Variants in SLIT3 observed in about 807,000 individuals in gnomAD.
SLIT3 encodes slit homolog 3 protein.
SLIT3 carries 68 observed loss-of-function variants against 184.0 expected under a neutral mutation model. The observed-to-expected ratio is 0.37, with a 90% CI of 0.30 to 0.45. The LOEUF is 0.45. Among genes scored for constraint, SLIT3 ranks in the 20% least tolerant of loss-of-function variants. The pLI, the probability that SLIT3 is intolerant of heterozygous loss-of-function variation, is 1.00. For synonymous variants in SLIT3, 831 were observed against 828.6 expected (o/e 1.00, Z -0.05); for missense variants, 1,707 against 2,026.0 (o/e 0.84, Z 3.02).
intron 4 of SLIT3, among the ~76,000 whole-genome samples, chr5:169,164,743 C>T (rs932987055): frequency 6.6e-6 from 1 of 152,224 alleles, no homozygotes; most frequent in Non-Finnish European, 1.5e-5. Flanking sequence ...GCAGGATTAA[C>T]AGATCTGGGC....
At position 169,267,763 on chromosome 5, in the gene SLIT3, G is replaced by C. The variant is rs573386149; in HGVS notation, c.198-16304C>G. ...GGGTGACAATGGAAATACTCATATGGGGCCTGGTTGCCCACCATGTCTTTG... is the reference window on the plus strand; with the variant it reads ...GGGTGACAATGGAAATACTCATATGCGGCCTGGTTGCCCACCATGTCTTTG... On this transcript the variant is annotated intron_variant, in intron 1 of 35. Transcript: ENST00000519560. 3.3e-5 allele frequency among the ~76,000 whole-genome samples: 5 copies of C among 152,254 alleles called. No homozygotes were observed. The South Asian group carries it at 1.0e-3, about 32-fold the overall frequency.
chr5:168,834,081 C>T (rs575121567), intron 6 of SLIT3, among the ~76,000 whole-genome samples: 6 of 152,226 alleles, frequency 3.9e-5, no homozygotes, highest in African/African-American at 9.6e-5. Context: ...GAGGCAGGGC[C>T]GGCTCTTTTT....
intron 4 of SLIT3, among the ~76,000 whole-genome samples, chr5:169,027,101 C>T (rs1756859367): frequency 6.6e-6 from 1 of 152,106 alleles, no homozygotes; most frequent in African/African-American, 2.4e-5. Context: ...ATTGAGGTGC[C>T]CATCCCAGAT....
At chr5:168,739,318 C>G (rs566669352) in intron 20 of SLIT3, among the ~76,000 whole-genome samples, 1 of 152,238 alleles carries the variant, frequency 6.6e-6, no homozygotes, top group African/African-American at 2.4e-5. Flanking sequence ...CTACAACTAG[C>G]CTTTAAGAAA....
At position 169,039,680 on chromosome 5, in the gene SLIT3, T is replaced by C. The variant is rs567643314; in HGVS notation, c.413+153799A>G. 2.6e-5 allele frequency among the ~76,000 whole-genome samples: 4 copies of C among 152,264 alleles called. No homozygotes were observed. The East Asian group carries it at 7.7e-4, about 29-fold the overall frequency. The stretch of plus-strand genomic sequence containing the variant: ...TACCCTTTCCTTCCACCACCACTAA[T>C]CAAAGTATCAGGATGGAGTCCCAAC... On this transcript the variant is annotated intron_variant, in intron 4 of 35. Coordinates refer to ENST00000519560, the MANE Select transcript of SLIT3 (RefSeq NM_003062.4).
chr5:168,877,434 G>C (rs1269798718), intron 5 of SLIT3, among the ~76,000 whole-genome samples: 1 of 152,206 alleles, frequency 6.6e-6, no homozygotes, highest in Non-Finnish European at 1.5e-5. Context: ...AGAGCACCCA[G>C]TTCACGTACA....
In SLIT3 at chr5:168,972,337, ATG is replaced by A. The variant is rs60588036; in HGVS notation, c.414-89003_414-89002del. ...TGTTGATGGCTAGCTGCAGGACAAC[ATG>A]TGTGTGTGTGTGTGTGTGTGTGTGT... is the stretch of plus-strand genomic sequence containing the variant. On this transcript the variant is annotated intron_variant, in intron 4 of 35. Transcript: ENST00000519560. 2.4e-3 allele frequency among the ~76,000 whole-genome samples: 279 copies of A among 118,324 alleles called. 2 individuals carry two copies. Among genetic ancestry groups the A allele is most frequent in the Middle Eastern group, 4.2e-3 (1 of 236 alleles). 77.6% of individuals were successfully genotyped at this position (118,324 alleles called of 152,430 possible).
intron 23 of SLIT3, chr5:168,718,329 T>A (rs950518399): frequency 1.3e-5 from 2 of 152,106 alleles, no homozygotes; most frequent in Admixed American, 1.3e-4. Context: ...CTTCGGGGAC[T>A]AGGAGCTAAA....
At chr5:169,210,318 C>T (rs1328701434) in intron 3 of SLIT3, among the ~76,000 whole-genome samples, 1 of 151,876 alleles carries the variant, frequency 6.6e-6, no homozygotes, top group Non-Finnish European at 1.5e-5. Flanking sequence ...AATAAATGCA[C>T]AAAAAAATTT....
intron 4 of SLIT3, among the ~76,000 whole-genome samples, chr5:168,989,325 G>A (rs370642733): frequency 1.3e-5 from 2 of 152,218 alleles, no homozygotes; most frequent in East Asian, 3.8e-4. Context: ...AAGCACCTAT[G>A]AGAGGAAGGA....
chr5:168,682,348 C>T (rs1023805398), intron 32 of SLIT3, among the ~76,000 whole-genome samples: 6 of 152,248 alleles, frequency 3.9e-5, no homozygotes, highest in Non-Finnish European at 1.5e-5. Flanking sequence ...TCAGACTGCT[C>T]TTTCTGCAGG....
At chr5:169,255,301 G>A (rs1239504204) in intron 1 of SLIT3, among the ~76,000 whole-genome samples, 1 of 152,166 alleles carries the variant, frequency 6.6e-6, no homozygotes, top group Non-Finnish European at 1.5e-5. Context: ...CCAGAGGAAG[G>A]CATTGTTATC....
chr5:169,203,141 G>A (rs1763955495), intron 3 of SLIT3, among the ~76,000 whole-genome samples: 1 of 152,166 alleles, frequency 6.6e-6, no homozygotes, highest in Middle Eastern at 3.2e-3. Flanking sequence ...TGACTCACAG[G>A]CCTAAGTAAA....
At chr5:168,789,451 A>C in intron 11 of SLIT3, 109 bp downstream of exon 11, 1 of 773,420 alleles carries the variant, frequency 1.3e-6, no homozygotes. Context: ...CAAGTGTGTA[A>C]GGGAACATAA....
chr5:168,906,501 T>C (rs1410880675), intron 4 of SLIT3, among the ~76,000 whole-genome samples: 1 of 152,184 alleles, frequency 6.6e-6, no homozygotes, highest in African/African-American at 2.4e-5. Context: ...AATACCTGCA[T>C]CCATTATGTG....
intron 4 of SLIT3, among the ~76,000 whole-genome samples, chr5:169,066,683 A>C (rs1448082425): frequency 6.6e-6 from 1 of 152,192 alleles, no homozygotes; most frequent in East Asian, 1.9e-4. Context: ...CGGCATGTAA[A>C]GTTTTCGCCC....
intron 18 of SLIT3, among the ~76,000 whole-genome samples, chr5:168,751,328 C>T (rs541337443): frequency 9.9e-5 from 15 of 152,090 alleles, no homozygotes; most frequent in African/African-American, 1.9e-4. Flanking sequence ...AGGTTAGAGA[C>T]GGGACAATAA....
chr5:168,845,537 A>G (rs759306098), intron 5 of SLIT3, among the ~76,000 whole-genome samples: 1 of 152,174 alleles, frequency 6.6e-6, no homozygotes, highest in Non-Finnish European at 1.5e-5. Flanking sequence ...CATGAAAATA[A>G]TGTCTCTTAA....
intron 4 of SLIT3, among the ~76,000 whole-genome samples, chr5:168,899,041 A>G (rs1309823301): frequency 6.6e-6 from 1 of 152,240 alleles, no homozygotes; most frequent in Non-Finnish European, 1.5e-5. Context: ...GGCTAAAAGC[A>G]TATTTTCTCT....
Sources: allele counts gnomAD v4.1 joint callset (sites outside exome capture counted in the v4.1 genomes callset), GRCh38; gene constraint gnomAD v4.1.1; transcripts MANE v1.5; gene names NCBI Gene and HGNC (gene_info 2026-07-23, HGNC 2026-07-21).